ACOT7: variants seen among roughly 807,000 people sequenced by gnomAD.
ACOT7 encodes cytosolic acyl coenzyme A thioester hydrolase.
In ACOT7, 12 loss-of-function variants were observed where a neutral mutation model predicts 40.2. That is an observed-to-expected ratio of 0.30 (90% CI 0.19 to 0.48). The LOEUF is 0.48. Among genes scored for constraint, ACOT7 ranks in the 20% least tolerant of loss-of-function variants. The pLI is 0.99. For synonymous variants in ACOT7, 228 were observed against 219.5 expected, an observed-to-expected ratio of 1.04 and a Z score of -0.34; for missense variants, 395 against 530.8, an observed-to-expected ratio of 0.74 and a Z score of 2.51.
chr1:6,339,898 A>G (rs1436712653), intron 2 of ACOT7, among the ~76,000 whole-genome samples: 1 of 127,138 alleles, frequency 7.9e-6, no homozygotes, highest in African/African-American at 3.4e-5. Context: ...CGCTGGGACT[A>G]CAGCGGGCCT....
At position 6,355,386 on chromosome 1, in the gene ACOT7, G is replaced by A. The variant is rs971884593; in HGVS notation, c.144-5520C>T. Among the ~76,000 whole-genome samples the A allele has an allele frequency of 4.6e-5, 7 of 152,168 alleles. No individual in the cohort carries two copies. Among genetic ancestry groups the A allele is most frequent in the African/African-American group, 1.4e-4 (6 of 41,430 alleles). The stretch of plus-strand genomic sequence containing the variant: ...TGTATAACGCAGGACATGGGCCAGC[G>A]CCGAGATGTCCACATAAGGACATAA... On this transcript the variant is annotated intron_variant, in intron 1 of 8. Transcript: ENST00000361521. This position sits in a 1 kb window ranked among gnomAD's most constrained non-coding sequence, Gnocchi z 5.0.
At chr1:6,323,769 T>G (rs1184004469) in intron 5 of ACOT7, among the ~76,000 whole-genome samples, 2 of 127,152 alleles carry the variant, frequency 1.6e-5, no homozygotes, top group African/African-American at 3.0e-5. Context: ...TATATATATA[T>G]AGACAAATTA....
chr1:6,349,046 T>C (rs935894139), intron 2 of ACOT7, among the ~76,000 whole-genome samples: 1 of 152,190 alleles, frequency 6.6e-6, no homozygotes, highest in Non-Finnish European at 1.5e-5. Flanking sequence ...GCAGACGCCC[T>C]GTCCTCAGCA....
At chr1:6,318,922 C>T (rs912994414) in intron 5 of ACOT7, among the ~76,000 whole-genome samples, 1 of 152,228 alleles carries the variant, frequency 6.6e-6, no homozygotes, top group Non-Finnish European at 1.5e-5. Context: ...AGTTAACCAT[C>T]TGACTTGCAT....
intron 7 of ACOT7, among the ~76,000 whole-genome samples, chr1:6,287,139 G>A (rs1293266357): frequency 3.9e-5 from 6 of 152,240 alleles, no homozygotes; most frequent in Admixed American, 3.3e-4. Context: ...ACAAGTGCAC[G>A]GGGACCAGGT....
At chr1:6,341,067 C>T (rs1017325306) in intron 2 of ACOT7, among the ~76,000 whole-genome samples, 1 of 151,854 alleles carries the variant, frequency 6.6e-6, no homozygotes, top group Non-Finnish European at 1.5e-5. Flanking sequence ...ACACTAAATA[C>T]ACTCTCACCT....
At chr1:6,277,581 G>C (rs1210969143) in intron 8 of ACOT7, among the ~76,000 whole-genome samples, 1 of 152,226 alleles carries the variant, frequency 6.6e-6, no homozygotes, top group African/African-American at 2.4e-5. Context: ...CTGTCCCCAA[G>C]CTCCCCCGTT....
At chr1:6,312,286 G>T (rs1640358972) in intron 6 of ACOT7, among the ~76,000 whole-genome samples, 1 of 152,018 alleles carries the variant, frequency 6.6e-6, no homozygotes, top group South Asian at 2.1e-4. Context: ...AGCACAACAG[G>T]GTGACCACAG....
chr1:6,285,798 G>A (rs1362523228), intron 7 of ACOT7, among the ~76,000 whole-genome samples: 1 of 152,198 alleles, frequency 6.6e-6, no homozygotes, highest in African/African-American at 2.4e-5. Flanking sequence ...AATGAGGGGA[G>A]CTCAGGCCTC....
At position 6,265,387 on chromosome 1, in the gene ACOT7, C is replaced by T. The variant is rs117358066; in HGVS notation, c.1015-692G>A. On this transcript the variant is annotated intron_variant, in intron 8 of 8. Transcript: ENST00000361521. The stretch of plus-strand genomic sequence containing the variant: ...GCCTATGGCCTTGAGAAGGCCCCGC[C>T]CCGTACTGGGAGCAATAGGCCTGCT... 7.0e-3 allele frequency among the ~76,000 whole-genome samples: 1,059 copies of T among 152,338 alleles called. 14 individuals carry two copies. The highest frequency in any genetic ancestry group is 0.028 in the South Asian group (133 of 4,826).
intron 1 of ACOT7, among the ~76,000 whole-genome samples, chr1:6,371,411 T>C (rs910274895): frequency 6.6e-6 from 1 of 150,482 alleles, no homozygotes; most frequent in African/African-American, 2.5e-5. Flanking sequence ...CAGGCTGGAG[T>C]GCTGTGGCAG....
chr1:6,381,235 G>A (rs6688895), intron 1 of ACOT7, among the ~76,000 whole-genome samples: 3,393 of 151,660 alleles, frequency 0.022, 126 homozygotes, highest in African/African-American at 0.078. Context: ...AGATACACAA[G>A]GATATGTATA....
intron 8 of ACOT7, among the ~76,000 whole-genome samples, chr1:6,276,460 G>A (rs1310736314): frequency 1.3e-5 from 2 of 151,914 alleles, no homozygotes; most frequent in South Asian, 2.1e-4. Flanking sequence ...TGCCCGGAGC[G>A]GGTGCGGCAG....
At chr1:6,343,358 G>A (rs1437104722) in intron 2 of ACOT7, among the ~76,000 whole-genome samples, 2 of 152,260 alleles carry the variant, frequency 1.3e-5, no homozygotes, top group Non-Finnish European at 2.9e-5. Context: ...CTTCTTTGGA[G>A]GTAGGCTGGG....
chr1:6,362,771 T>C (rs1195224954), intron 1 of ACOT7, among the ~76,000 whole-genome samples: 1 of 152,086 alleles, frequency 6.6e-6, no homozygotes, highest in African/African-American at 2.4e-5. Flanking sequence ...GACCTTTGGC[T>C]AGGCGCGGTC....
rs183176315 is a variant in ACOT7 at position 6,335,404 on chromosome 1, G to A, written c.419-1836C>T. On this transcript the variant is annotated intron_variant, in intron 3 of 8. Coordinates refer to ENST00000361521, the MANE Select transcript of ACOT7 (RefSeq NM_007274.4). Reference sequence around the variant, plus strand: ...GTGGTCCCAAAGGCTGAGATAGGAGGATCGCTTGAGCCCGGAAGGCAGAGA... The same window carrying A: ...GTGGTCCCAAAGGCTGAGATAGGAGAATCGCTTGAGCCCGGAAGGCAGAGA... 5.0e-3 allele frequency among the ~76,000 whole-genome samples: 759 copies of A among 151,784 alleles called. 5 individuals are homozygous for A. The highest frequency in any genetic ancestry group is 6.4e-3 in the Non-Finnish European group (434 of 67,948).
chr1:6,289,288 C>T lies in ACOT7; in HGVS notation c.829+5576G>A, dbSNP rs910552249. On this transcript the variant is annotated intron_variant, in intron 7 of 8. Coordinates refer to ENST00000361521, the MANE Select transcript of ACOT7 (RefSeq NM_007274.4). The surrounding 1 kb of genome is among the most constrained non-coding windows in gnomAD (Gnocchi z 4.6). ...CTAATTTTTGTATTTTTAGTAGAGACGGGGTTTCACCATGTTGGCCAGGCT... is the reference window on the plus strand; with the variant it reads ...CTAATTTTTGTATTTTTAGTAGAGATGGGGTTTCACCATGTTGGCCAGGCT... Among the ~76,000 whole-genome samples the T allele has an allele frequency of 7.9e-5, 12 of 152,146 alleles. No individual in the cohort carries two copies. The South Asian group carries it at 8.3e-4, about 11-fold the overall frequency.
rs1389665951 is a variant in ACOT7 at position 6,282,060 on chromosome 1, TC to T, written c.830-775del. Among the ~76,000 whole-genome samples, 2 of 147,276 alleles carry T rather than the reference TC, an allele frequency of 1.4e-5. No individual in the cohort carries two copies. The highest frequency in any genetic ancestry group is 5.3e-5 in the African/African-American group (2 of 37,764). On this transcript the variant is annotated intron_variant, in intron 7 of 8. Transcript: ENST00000361521. The surrounding 1 kb of genome is among the most constrained non-coding windows in gnomAD (Gnocchi z 4.5). The stretch of plus-strand genomic sequence containing the variant: ...CCCATACATTGTTCCCATGTCCCTC[TC>T]TCCCCCTCAACCCTAACCAACCTCT...
intron 8 of ACOT7, among the ~76,000 whole-genome samples, chr1:6,269,000 G>A (rs1427046803): frequency 6.6e-6 from 1 of 152,244 alleles, no homozygotes; most frequent in Non-Finnish European, 1.5e-5. Flanking sequence ...CGTGGGGCAG[G>A]GACTACAGCG....
Sources: gnomAD v4.1 joint callset for allele counts (sites outside exome capture counted in the v4.1 genomes callset) on GRCh38, gnomAD v4.1.1 for gene constraint, Gnocchi (gnomAD v3.1) non-coding constraint, MANE v1.5 for transcripts, NCBI Gene and HGNC (gene_info 2026-07-23, HGNC 2026-07-21) for gene names.